The following CSTPP1 variants were observed in gnomAD, a reference collection of about 807,000 sequenced individuals.
The protein encoded by CSTPP1 is UPF0705 protein C11orf49.
the CSTPP1 span, among the ~76,000 whole-genome samples, chr11:46,947,345 A>G: frequency 6.6e-6 from 1 of 152,200 alleles, no homozygotes; most frequent in African/African-American, 2.4e-5. Context: ...GAAATAGCTC[A>G]TTCTATGATT....
At chr11:46,964,443 G>C in the CSTPP1 span, among the ~76,000 whole-genome samples, 3 of 151,976 alleles carry the variant, frequency 2.0e-5, no homozygotes, top group African/African-American at 7.3e-5. Context: ...CCGCCTCCAC[G>C]CCTGACTAAT....
chr11:47,003,078 G>C, the CSTPP1 span, among the ~76,000 whole-genome samples: 3 of 152,194 alleles, frequency 2.0e-5, no homozygotes, highest in African/African-American at 7.2e-5. Context: ...GGGAAGCCAA[G>C]GTGGGAAAAT....
chr11:46,946,619 C>T, the CSTPP1 span, among the ~76,000 whole-genome samples: 2 of 152,156 alleles, frequency 1.3e-5, no homozygotes, highest in African/African-American at 4.8e-5. Context: ...GATTGCACCA[C>T]GGCACTCCAG....
At chr11:47,113,815 G>C in the CSTPP1 span, among the ~76,000 whole-genome samples, 1 of 152,108 alleles carries the variant, frequency 6.6e-6, no homozygotes, top group Non-Finnish European at 1.5e-5. Context: ...CACTCTGATG[G>C]TAGTTTCTTT....
chr11:47,017,774 T>C, the CSTPP1 span, among the ~76,000 whole-genome samples: 1 of 151,986 alleles, frequency 6.6e-6, no homozygotes, highest in Non-Finnish European at 1.5e-5. Context: ...TTCAGGCAAT[T>C]CTCATGCCTC....
chr11:47,157,799 T>A, the CSTPP1 span: 1 of 1,610,290 alleles, frequency 6.2e-7, no homozygotes, highest in Non-Finnish European at 8.5e-7. Flanking sequence ...GAATGTGGCA[T>A]CTCTCCTTCT....
At chr11:47,002,229 C>G in the CSTPP1 span, among the ~76,000 whole-genome samples, 1 of 152,128 alleles carries the variant, frequency 6.6e-6, no homozygotes, top group Admixed American at 6.5e-5. Flanking sequence ...GCAACCCTAT[C>G]CCCACTGTTA....
At chr11:46,988,971 C>CCCGT in the CSTPP1 span, among the ~76,000 whole-genome samples, 1 of 152,136 alleles carries the variant, frequency 6.6e-6, no homozygotes, top group Non-Finnish European at 1.5e-5. Context: ...GTGGCTCAAA[C>CCCGT]CCGTAATCCC....
the CSTPP1 span, among the ~76,000 whole-genome samples, chr11:47,082,257 A>T: frequency 9.0e-3 from 1,361 of 151,288 alleles, 19 homozygotes; most frequent in African/African-American, 0.03. Context: ...GAGAGCTGAT[A>T]AAAAAAAACC....
chr11:47,006,573 T>C, the CSTPP1 span, among the ~76,000 whole-genome samples: 1 of 151,658 alleles, frequency 6.6e-6, no homozygotes, highest in Non-Finnish European at 1.5e-5. Flanking sequence ...TGTTCTACTC[T>C]CTCTCTGTCT....
chr11:47,087,433 A>G, the CSTPP1 span, among the ~76,000 whole-genome samples: 1 of 152,242 alleles, frequency 6.6e-6, no homozygotes, highest in East Asian at 1.9e-4. Flanking sequence ...TATGTGTATT[A>G]TCACACCTGT....
the CSTPP1 span, among the ~76,000 whole-genome samples, chr11:46,943,001 A>T: frequency 1.3e-5 from 2 of 152,216 alleles, no homozygotes; most frequent in Admixed American, 1.3e-4. Flanking sequence ...GGCTCTTGCA[A>T]ATAAATTTCT....
At chr11:47,145,400 G>A in the CSTPP1 span, among the ~76,000 whole-genome samples, 78 of 151,838 alleles carry the variant, frequency 5.1e-4, no homozygotes, top group African/African-American at 1.8e-3. Context: ...GACCAGCCTG[G>A]CCAACATGGT....
chr11:46,987,354 G>A, the CSTPP1 span: 1 of 1,500,504 alleles, frequency 6.7e-7, no homozygotes, highest in African/African-American at 1.4e-5. Context: ...CCCAGAGGAG[G>A]CGCTTGGAAG....
chr11:47,065,474 C>T, the CSTPP1 span, among the ~76,000 whole-genome samples: 1 of 152,112 alleles, frequency 6.6e-6, no homozygotes, highest in Non-Finnish European at 1.5e-5. Context: ...GATGAGGTCT[C>T]ACTCTGTTGC....
chr11:47,094,990 T>C, the CSTPP1 span, among the ~76,000 whole-genome samples: 1 of 152,196 alleles, frequency 6.6e-6, no homozygotes, highest in African/African-American at 2.4e-5. Flanking sequence ...AACTGTTGTG[T>C]TATTTGGAGA....
chr11:47,046,240 A>G, the CSTPP1 span, among the ~76,000 whole-genome samples: 1 of 150,610 alleles, frequency 6.6e-6, no homozygotes, highest in African/African-American at 2.4e-5. Flanking sequence ...CACAGGTTAC[A>G]TGGTCCTATG....
chr11:46,993,231 C>A, the CSTPP1 span, among the ~76,000 whole-genome samples: 1 of 152,238 alleles, frequency 6.6e-6, no homozygotes, highest in East Asian at 1.9e-4. Context: ...TGCAGAAGCT[C>A]TTTAGTTTAA....
the CSTPP1 span, among the ~76,000 whole-genome samples, chr11:47,144,980 AT>A: frequency 4.5e-4 from 42 of 92,910 alleles, no homozygotes; most frequent in African/African-American, 1.4e-3. Flanking sequence ...ATTGCCTGCC[AT>A]TTTTTTTTTT....
Sources: allele counts gnomAD v4.1 joint callset (sites outside exome capture counted in the v4.1 genomes callset), GRCh38; gene constraint gnomAD v4.1.1; transcripts MANE v1.5; gene names NCBI Gene and HGNC (gene_info 2026-07-23, HGNC 2026-07-21).